Variants in SRPK1 observed in about 807,000 individuals in gnomAD.
SRPK1 encodes the protein SFRS protein kinase 1.
A neutral mutation model predicts 89.5 loss-of-function variants in SRPK1; 52 were observed. That is an observed-to-expected ratio of 0.58 (90% CI 0.46 to 0.73). The LOEUF (loss-of-function observed/expected upper bound fraction) is 0.73, where lower values mean the gene tolerates loss of function less well. SRPK1 is among the 30% of genes least tolerant of loss of function. SRPK1 has a pLI of 0.00. For missense variants in SRPK1, 603 were observed against 780.6 expected, an observed-to-expected ratio of 0.77 and a Z score of 2.71; for synonymous variants, 255 against 270.2, an observed-to-expected ratio of 0.94 and a Z score of 0.55.
chr6:35,888,447 C>T (rs906827627), intron 4 of SRPK1, among the ~76,000 whole-genome samples: 1 of 152,110 alleles, frequency 6.6e-6, no homozygotes, highest in African/African-American at 2.4e-5. Flanking sequence ...TCCAAGTGTT[C>T]TGTGTATATA....
intron 12 of SRPK1, 38 bp downstream of exon 12, chr6:35,868,972 A>C (rs758840206): frequency 1.2e-5 from 19 of 1,528,570 alleles, no homozygotes; most frequent in Non-Finnish European, 1.8e-6. Context: ...TCATCCTCCC[A>C]GTCACTTCAA....
chr6:35,920,262 G>A (rs534911589), intron 2 of SRPK1: 3 of 644,334 alleles, frequency 4.7e-6, no homozygotes, highest in Non-Finnish European at 8.7e-6. Flanking sequence ...CAGCAGGCCC[G>A]GGGCTGCTAA....
intron 4 of SRPK1, among the ~76,000 whole-genome samples, chr6:35,888,509 G>C (rs1476786116): frequency 6.6e-6 from 1 of 152,070 alleles, no homozygotes; most frequent in Non-Finnish European, 1.5e-5. Context: ...TTTTCCCATA[G>C]GCAGCCAGAA....
chr6:35,879,079 T>C (rs1168512192), intron 6 of SRPK1, among the ~76,000 whole-genome samples: 2 of 151,914 alleles, frequency 1.3e-5, no homozygotes, highest in African/African-American at 4.8e-5. Context: ...TGACAGAGAC[T>C]CTTGTCTCTA....
At chr6:35,865,079 G>A (rs897549012) in intron 12 of SRPK1, among the ~76,000 whole-genome samples, 1 of 152,104 alleles carries the variant, frequency 6.6e-6, no homozygotes, top group African/African-American at 2.4e-5. Context: ...GATGATTAAT[G>A]GGTATAAAAA....
At chr6:35,848,470 T>C (rs1769470368) in intron 13 of SRPK1, among the ~76,000 whole-genome samples, 1 of 152,128 alleles carries the variant, frequency 6.6e-6, no homozygotes, top group African/African-American at 2.4e-5. Context: ...GATGGGAGGA[T>C]CACTTCAGCC....
intron 2 of SRPK1, among the ~76,000 whole-genome samples, chr6:35,916,199 G>A (rs1288306397): frequency 1.3e-5 from 2 of 150,742 alleles, no homozygotes; most frequent in Non-Finnish European, 2.9e-5. Flanking sequence ...ACTCCAGACT[G>A]GATGACAAGA....
At chr6:35,878,653 G>A (rs755477250) in intron 6 of SRPK1, among the ~76,000 whole-genome samples, 22 of 152,270 alleles carry the variant, frequency 1.4e-4, no homozygotes, top group South Asian at 4.1e-4. Context: ...TATCAGAGTC[G>A]GGTGGCCATT....
At chr6:35,887,978 A>AT in intron 5 of SRPK1, 46 bp downstream of exon 5, 1 of 1,358,798 alleles carries the variant, frequency 7.4e-7, no homozygotes, top group Non-Finnish European at 9.9e-7. Context: ...ATGAAACTTG[A>AT]TTTATTTATA....
chr6:35,890,030 C>T (rs1303506460), intron 3 of SRPK1, among the ~76,000 whole-genome samples: 1 of 151,966 alleles, frequency 6.6e-6, no homozygotes, highest in Non-Finnish European at 1.5e-5. Flanking sequence ...ATGGCATGAA[C>T]CCGGGAGGCA....
intron 2 of SRPK1, among the ~76,000 whole-genome samples, chr6:35,896,090 A>G (rs911838460): frequency 6.6e-6 from 1 of 152,168 alleles, no homozygotes; most frequent in Non-Finnish European, 1.5e-5. Context: ...AATTCAACCC[A>G]AGGAGGTGTC....
intron 2 of SRPK1, among the ~76,000 whole-genome samples, chr6:35,909,963 C>T (rs758187272): frequency 6.6e-6 from 1 of 152,038 alleles, no homozygotes; most frequent in African/African-American, 2.4e-5. Flanking sequence ...AGTGTGAGAA[C>T]AGATTAATAC....
intron 13 of SRPK1, among the ~76,000 whole-genome samples, chr6:35,842,892 G>C (rs1243848311): frequency 1.3e-5 from 2 of 151,462 alleles, no homozygotes; most frequent in Admixed American, 1.3e-4. Context: ...GCCCTCCTGA[G>C]TTTCCCTTTT....
At chr6:35,920,664 G>T in intron 1 of SRPK1, 136 bp from the exon 2 acceptor site, 1 of 497,466 alleles carries the variant, frequency 2.0e-6, no homozygotes, top group Non-Finnish European at 2.9e-6. Flanking sequence ...CGGCGAGGCG[G>T]CCGGCCGTGG....
chr6:35,872,743 A>C lies in SRPK1; in HGVS notation c.586-15T>G. 6.3e-7 allele frequency: 1 copy of C among 1,583,212 alleles called. No individual in the cohort carries two copies. The highest frequency in any genetic ancestry group is 8.6e-7 in the Non-Finnish European group (1 of 1,167,532). On this transcript the variant is annotated splice_polypyrimidine_tract_variant and intron_variant, in intron 7 of 15. Coordinates refer to ENST00000373825, the MANE Select transcript of SRPK1 (RefSeq NM_003137.5). ...CCCTGTAACACCTGAATGGAAATAGAGTGGCAGACTTGCAAACACAAAATA... is the reference window on the plus strand; with the variant it reads ...CCCTGTAACACCTGAATGGAAATAGCGTGGCAGACTTGCAAACACAAAATA...
intron 9 of SRPK1, 137 bp downstream of exon 9, chr6:35,870,797 G>A (rs1770020031): frequency 1.3e-6 from 1 of 768,068 alleles, no homozygotes; most frequent in African/African-American, 1.8e-5. Flanking sequence ...GAATTTACTG[G>A]AGAAAATTAT....
rs756636608 is a variant in SRPK1 at position 35,869,572 on chromosome 6, G to A, written c.1321C>T (p.His441Tyr). 6.2e-7 allele frequency: 1 copy of A among 1,613,970 alleles called. No individual in the cohort carries two copies. Among genetic ancestry groups the A allele is most frequent in the Admixed American group, 1.7e-5 (1 of 60,010 alleles). ...STVGQSFSEQ[H>Y]ISQLQESIRA... ...ATGCTTTCTTGAAGTTGGCTAATGT[G>A]TTGTTCACTGAATGACTGACCTACA... The change falls in exon 11 of 16, where the codon CAC becomes TAC. Residue 441 changes from histidine (H) to tyrosine (Y), a missense_variant. Transcript: ENST00000373825.
At chr6:35,902,544 A>C (rs1770766321) in intron 2 of SRPK1, among the ~76,000 whole-genome samples, 1 of 152,238 alleles carries the variant, frequency 6.6e-6, no homozygotes, top group Admixed American at 6.5e-5. Flanking sequence ...ATTTCACCTC[A>C]GTACTGGGCT....
chr6:35,880,971 G>C (rs544364101), intron 6 of SRPK1, among the ~76,000 whole-genome samples: 3 of 151,938 alleles, frequency 2.0e-5, no homozygotes, highest in Admixed American at 6.6e-5. Flanking sequence ...TCACATACAA[G>C]GGATCCTCAC....
Sources: gnomAD v4.1 joint callset for allele counts (sites outside exome capture counted in the v4.1 genomes callset) on GRCh38, gnomAD v4.1.1 for gene constraint, MANE v1.5 for transcripts, NCBI Gene and HGNC (gene_info 2026-07-23, HGNC 2026-07-21) for gene names.